ATP8B4: variants seen among roughly 807,000 people sequenced by gnomAD.
The protein encoded by ATP8B4 is ATPase phospholipid transporting 8B4 (putative).
A neutral mutation model predicts 145.6 loss-of-function variants in ATP8B4; 133 were observed. That is an observed-to-expected ratio of 0.91 (90% CI 0.79 to 1.05). The LOEUF is 1.05. Ranked by LOEUF, ATP8B4 falls within the 50% of genes least tolerant of loss-of-function variation. ATP8B4 has a pLI of 0.00. For synonymous variants in ATP8B4, 507 were observed against 492.9 expected (o/e 1.03, Z -0.38); for missense variants, 1,458 against 1,425.2 (o/e 1.02, Z -0.37).
rs1172893765 is a variant in ATP8B4, at chr15:49,972,038, C to T, written c.1243+544G>A. ...AACACAGGAACAGAAAACCAAACAC[C>T]GCATATTCTCACTCGTAAGTGGGAA... is the stretch of plus-strand genomic sequence containing the variant. On this transcript the variant is annotated intron_variant, in intron 13 of 27. Transcript: ENST00000284509. Among the ~76,000 whole-genome samples the T allele has an allele frequency of 6.6e-5, 10 of 152,106 alleles. No homozygotes were observed. In the East Asian group the frequency reaches 7.7e-4, roughly 12 times the overall value.
At chr15:49,953,656 T>G (rs2043296815) in intron 14 of ATP8B4, among the ~76,000 whole-genome samples, 1 of 152,188 alleles carries the variant, frequency 6.6e-6, no homozygotes, top group Non-Finnish European at 1.5e-5. Context: ...TGAGTCCCAT[T>G]GCTGATTGCT....
chr15:50,106,733 G>T (rs572179989), intron 2 of ATP8B4, among the ~76,000 whole-genome samples: 1 of 152,220 alleles, frequency 6.6e-6, no homozygotes, highest in South Asian at 2.1e-4. Context: ...GAGCACAAGG[G>T]AACTTTCTGG....
At chr15:50,156,090 A>ATTTGTTTTC (rs1426545457) in intron 1 of ATP8B4, among the ~76,000 whole-genome samples, 1 of 2,946 alleles carries the variant, frequency 3.4e-4, no homozygotes, top group Non-Finnish European at 2.4e-3. Context: ...ATATATATAT[A>ATTTGTTTTC]TAAATATATA....
intron 12 of ATP8B4, 72 bp from the exon 13 acceptor site, chr15:49,972,862 A>G: frequency 6.7e-7 from 1 of 1,489,772 alleles, no homozygotes; most frequent in African/African-American, 1.4e-5. Flanking sequence ...ATTTTGCCAA[A>G]ATAAGAAGTC....
intron 1 of ATP8B4, among the ~76,000 whole-genome samples, chr15:50,112,648 T>C (rs1419841354): frequency 6.6e-6 from 1 of 152,010 alleles, no homozygotes; most frequent in Admixed American, 6.5e-5. Flanking sequence ...TTTGAGCAAG[T>C]CATGTACCCT....
chr15:49,895,981 C>T (rs1055686989), intron 23 of ATP8B4: 8 of 152,110 alleles, frequency 5.3e-5, no homozygotes, highest in Admixed American at 2.0e-4. Context: ...TAGAAACACC[C>T]GTTAGCAGAT....
chr15:49,950,219 G>A (rs181665509), intron 14 of ATP8B4, among the ~76,000 whole-genome samples: 2 of 152,208 alleles, frequency 1.3e-5, no homozygotes, highest in East Asian at 3.9e-4. Context: ...GTTTGAAATA[G>A]TTTCAGAAGG....
intron 6 of ATP8B4, among the ~76,000 whole-genome samples, chr15:50,031,584 G>T (rs2050448273): frequency 6.6e-6 from 1 of 151,876 alleles, no homozygotes; most frequent in African/African-American, 2.4e-5. Context: ...TTTTGTTGCA[G>T]GTGCTCAAAT....
At position 49,859,993 on chromosome 15, in the gene ATP8B4, C is replaced by T. The variant is rs4544192; in HGVS notation, c.*201G>A. On this transcript the variant is annotated 3_prime_UTR_variant, in exon 28 of 28. Transcript: ENST00000284509. ...GTGTTTTGTCCACCAAATCACAAAC[C>T]AGACAGTGACCCTCTGGCCTGGTTT... The T allele has an allele frequency of 0.25, 139,400 of 557,848 alleles. 19,059 individuals are homozygous for T. Among genetic ancestry groups the T allele is most frequent in the Middle Eastern group, 0.3 (661 of 2,212 alleles). The allele number at this position is 557,848 out of a possible 1,614,324, so 34.6% of individuals were successfully genotyped here. A position where few individuals can be genotyped will look rare whatever the true frequency, so the allele number is the denominator to read the frequency against.
At chr15:50,052,592 A>G (rs1047569177) in intron 3 of ATP8B4, among the ~76,000 whole-genome samples, 10 of 152,242 alleles carry the variant, frequency 6.6e-5, no homozygotes, top group African/African-American at 2.4e-4. Flanking sequence ...CATCGGGTCA[A>G]TGACTTCATC....
At chr15:50,070,554 G>T (rs377419985) in intron 3 of ATP8B4, among the ~76,000 whole-genome samples, 1 of 152,126 alleles carries the variant, frequency 6.6e-6, no homozygotes, top group Non-Finnish European at 1.5e-5. Context: ...GTAGTTGGGG[G>T]TCCCATGCTC....
chr15:49,957,984 CATT>C (rs2043731200), intron 14 of ATP8B4, among the ~76,000 whole-genome samples: 1 of 151,622 alleles, frequency 6.6e-6, no homozygotes, highest in African/African-American at 2.4e-5. Flanking sequence ...GGTCCTGAAA[CATT>C]AATAACAATT....
intron 3 of ATP8B4, among the ~76,000 whole-genome samples, chr15:50,054,914 C>A (rs776039899): frequency 4.0e-5 from 6 of 151,412 alleles, no homozygotes; most frequent in Non-Finnish European, 7.4e-5. Context: ...AAACAATGTG[C>A]CAAATTCCTT....
chr15:49,890,981 C>T (rs1245885314), intron 23 of ATP8B4, among the ~76,000 whole-genome samples: 1 of 152,060 alleles, frequency 6.6e-6, no homozygotes, highest in Non-Finnish European at 1.5e-5. Context: ...CCATTCAATG[C>T]CATGAAGTTT....
intron 3 of ATP8B4, among the ~76,000 whole-genome samples, chr15:50,064,777 G>A (rs1047481885): frequency 1.3e-5 from 2 of 152,192 alleles, no homozygotes; most frequent in African/African-American, 4.8e-5. Flanking sequence ...TTCTGAGGAA[G>A]CCTTAAGAAA....
chr15:50,115,365 A>C (rs186336068), intron 1 of ATP8B4, among the ~76,000 whole-genome samples: 2 of 151,894 alleles, frequency 1.3e-5, no homozygotes, highest in African/African-American at 4.8e-5. Context: ...AATTTTAAAA[A>C]AGGATGATGA....
chr15:50,162,034 T>A (rs1199462723), intron 1 of ATP8B4, among the ~76,000 whole-genome samples: 1 of 152,180 alleles, frequency 6.6e-6, no homozygotes, highest in African/African-American at 2.4e-5. Flanking sequence ...TCACTGGATA[T>A]ACTATTCTAG....
At chr15:50,099,482 C>T (rs763346047) in intron 2 of ATP8B4, among the ~76,000 whole-genome samples, 38 of 151,954 alleles carry the variant, frequency 2.5e-4, no homozygotes, top group Non-Finnish European at 4.6e-4. Flanking sequence ...GGTCTCACTG[C>T]GTGGCCCACT....
chr15:50,163,211 A>C (rs2140846898), intron 1 of ATP8B4, among the ~76,000 whole-genome samples: 1 of 152,350 alleles, frequency 6.6e-6, no homozygotes, highest in South Asian at 2.1e-4. Flanking sequence ...TTGAAGAGTT[A>C]GGTATTTATT....
Sources: gnomAD v4.1 joint callset for allele counts (sites outside exome capture counted in the v4.1 genomes callset) on GRCh38, gnomAD v4.1.1 for gene constraint, MANE v1.5 for transcripts, NCBI Gene and HGNC (gene_info 2026-07-23, HGNC 2026-07-21) for gene names.